Variants in AP2B1 observed in about 807,000 individuals in gnomAD.
The protein encoded by AP2B1 is adaptor related protein complex 2 subunit beta 1.
A neutral mutation model predicts 102.0 loss-of-function variants in AP2B1; 23 were observed. That is an observed-to-expected ratio of 0.23 (90% CI 0.16 to 0.32). The LOEUF (loss-of-function observed/expected upper bound fraction) is 0.32. Among genes scored for constraint, AP2B1 ranks in the 10% least tolerant of loss-of-function variants. The pLI, the probability that AP2B1 is intolerant of heterozygous loss-of-function variation, is 1.00. For missense variants in AP2B1, 541 were observed against 1,157.4 expected, an observed-to-expected ratio of 0.47 and a Z score of 7.73; for synonymous variants, 381 against 421.2, an observed-to-expected ratio of 0.90 and a Z score of 1.17.
chr17:35,588,919 A>G (rs1318546614), intron 1 of AP2B1, among the ~76,000 whole-genome samples: 1 of 152,212 alleles, frequency 6.6e-6, no homozygotes, highest in Non-Finnish European at 1.5e-5. Flanking sequence ...AAAGATCCAT[A>G]TTTTGAAATA....
intron 21 of AP2B1, among the ~76,000 whole-genome samples, chr17:35,720,545 T>TATATATATATATATATATA (rs1568062926): frequency 9.2e-5 from 5 of 54,354 alleles, no homozygotes; most frequent in East Asian, 4.6e-4. Flanking sequence ...TTTATTTTAT[T>TATATATATATATATATATA]TATATATATA....
chr17:35,664,838 A>G (rs1268225526), intron 14 of AP2B1, among the ~76,000 whole-genome samples: 2 of 152,150 alleles, frequency 1.3e-5, no homozygotes, highest in Admixed American at 6.5e-5. Context: ...GATTTTTACT[A>G]TATTCATCAT....
chr17:35,669,081 T>TA (rs1472534731), intron 14 of AP2B1, among the ~76,000 whole-genome samples: 2 of 151,988 alleles, frequency 1.3e-5, no homozygotes, highest in Non-Finnish European at 2.9e-5. Context: ...AGCAGATGTG[T>TA]AGTATCTTTT....
intron 14 of AP2B1, among the ~76,000 whole-genome samples, chr17:35,661,679 G>A (rs2075361708): frequency 6.6e-6 from 1 of 152,126 alleles, no homozygotes. Context: ...CGAAAATTGA[G>A]GGCATTTTAT....
intron 18 of AP2B1, among the ~76,000 whole-genome samples, chr17:35,688,550 C>T (rs1245941118): frequency 1.3e-5 from 2 of 152,030 alleles, no homozygotes; most frequent in African/African-American, 2.4e-5. Context: ...TGCTGCTCTC[C>T]CCTTCATTTT....
rs373565563 is a variant in AP2B1, at chr17:35,650,632, C to T, written c.1639C>T (p.Leu547=). Residue 547 remains leucine (L), a synonymous_variant, in exon 13 of 22, where the codon CTG becomes TTG. Coordinates refer to ENST00000610402, the MANE Select transcript of AP2B1 (RefSeq NM_001030006.2). The part of the protein sequence containing the change: ...AKEVVLSEKP[L]ISEETDLIEP... ...AGAAGTAGTCTTGTCTGAGAAGCCACTGATCTCTGAGGAGACGGACCTTAT... is the reference window on the plus strand; with the variant it reads ...AGAAGTAGTCTTGTCTGAGAAGCCATTGATCTCTGAGGAGACGGACCTTAT... 3 of 1,614,178 alleles carry T rather than the reference C, an allele frequency of 1.9e-6. No homozygotes were observed. Among genetic ancestry groups the T allele is most frequent in the Non-Finnish European group, 2.5e-6 (3 of 1,180,038 alleles).
intron 21 of AP2B1, among the ~76,000 whole-genome samples, chr17:35,718,138 G>A (rs1358888092): frequency 6.6e-6 from 1 of 152,118 alleles, no homozygotes; most frequent in Non-Finnish European, 1.5e-5. Flanking sequence ...TGAATAGTCA[G>A]TAGCTTAAGG....
At chr17:35,644,247 A>G (rs1342643093) in intron 12 of AP2B1, among the ~76,000 whole-genome samples, 2 of 152,254 alleles carry the variant, frequency 1.3e-5, no homozygotes, top group African/African-American at 2.4e-5. Flanking sequence ...CTGAAGGTTA[A>G]GAATGACTTG....
At chr17:35,721,737 C>T (rs1411067389) in intron 21 of AP2B1, among the ~76,000 whole-genome samples, 1 of 152,148 alleles carries the variant, frequency 6.6e-6, no homozygotes, top group Non-Finnish European at 1.5e-5. Flanking sequence ...GGAGGAACTT[C>T]AAGTATTGTT....
At chr17:35,704,307 A>T (rs968688017) in intron 18 of AP2B1, among the ~76,000 whole-genome samples, 5 of 152,166 alleles carry the variant, frequency 3.3e-5, no homozygotes, top group African/African-American at 1.2e-4. Flanking sequence ...TTTGAAACCA[A>T]AAGAACCCAT....
intron 18 of AP2B1, among the ~76,000 whole-genome samples, chr17:35,694,435 A>ATTTTTTTTTTTTTTTTT (rs2076101194): frequency 1.1e-4 from 9 of 80,004 alleles, no homozygotes; most frequent in Non-Finnish European, 1.4e-4. Flanking sequence ...TAATTTTTTA[A>ATTTTTTTTTTTTTTTTT]TTTTTTGTAG....
intron 9 of AP2B1, among the ~76,000 whole-genome samples, chr17:35,633,370 AAC>A (rs1491431899): frequency 5.6e-4 from 85 of 151,944 alleles, no homozygotes; most frequent in African/African-American, 2.0e-3. Context: ...AAAAAAAAAA[AAC>A]AGACTGCAGA....
intron 5 of AP2B1, among the ~76,000 whole-genome samples, chr17:35,610,448 C>T (rs1485173638): frequency 6.6e-6 from 1 of 151,900 alleles, no homozygotes; most frequent in Admixed American, 6.6e-5. Flanking sequence ...CACCCAGCCC[C>T]CTTTTTAAAA....
At chr17:35,707,929 A>G (rs1166862788) in intron 18 of AP2B1, among the ~76,000 whole-genome samples, 2 of 152,342 alleles carry the variant, frequency 1.3e-5, no homozygotes, top group East Asian at 3.9e-4. Flanking sequence ...AAGCAAGGAG[A>G]ATAATTGGAT....
intron 14 of AP2B1, among the ~76,000 whole-genome samples, chr17:35,658,661 T>A (rs2075290320): frequency 6.6e-6 from 1 of 152,182 alleles, no homozygotes; most frequent in East Asian, 1.9e-4. Context: ...CCAATGACTA[T>A]AAAGATGCCC....
At chr17:35,694,415 TTTTTTTTTTTAA>T (rs1410538010) in intron 18 of AP2B1, among the ~76,000 whole-genome samples, 2 of 138,066 alleles carry the variant, frequency 1.4e-5, no homozygotes, top group Non-Finnish European at 1.6e-5. Flanking sequence ...AGCTGACTTT[TTTTTTTTTTTAA>T]TTTTTTAATT....
chr17:35,681,003 T>C (rs2075813337), intron 17 of AP2B1, among the ~76,000 whole-genome samples: 1 of 152,174 alleles, frequency 6.6e-6, no homozygotes, highest in Non-Finnish European at 1.5e-5. Flanking sequence ...CCCCAGCCTA[T>C]AAAATTTTAT....
intron 16 of AP2B1, 143 bp from the exon 17 acceptor site, chr17:35,674,033 T>C: frequency 2.7e-6 from 2 of 742,114 alleles, no homozygotes; most frequent in South Asian, 5.0e-5. Context: ...TTGATATTTA[T>C]AGTATAAAAA....
At chr17:35,655,065 A>T (rs944420432) in intron 13 of AP2B1, among the ~76,000 whole-genome samples, 9 of 152,088 alleles carry the variant, frequency 5.9e-5, no homozygotes, top group African/African-American at 2.2e-4. Context: ...TAGGGTGTTT[A>T]TTATATTGTT....
Sources: gnomAD v4.1 joint callset for allele counts (sites outside exome capture counted in the v4.1 genomes callset) on GRCh38, gnomAD v4.1.1 for gene constraint, MANE v1.5 for transcripts, NCBI Gene and HGNC (gene_info 2026-07-23, HGNC 2026-07-21) for gene names.